Variants in INSYN2A observed in about 807,000 individuals in gnomAD.
The protein encoded by INSYN2A is inhibitory synaptic factor 2A.
In INSYN2A, 17 loss-of-function variants were observed where a neutral mutation model predicts 39.4. The observed-to-expected ratio is 0.43, with a 90% CI of 0.30 to 0.65. The LOEUF is 0.65. Among genes scored for constraint, INSYN2A ranks in the 30% least tolerant of loss-of-function variants. INSYN2A has a pLI of 0.14. For synonymous variants in INSYN2A, 255 were observed against 265.7 expected, an observed-to-expected ratio of 0.96 and a Z score of 0.39; for missense variants, 595 against 631.2, an observed-to-expected ratio of 0.94 and a Z score of 0.61.
At position 127,137,553 on chromosome 10, in the gene INSYN2A, T is replaced by G. The variant is rs2050807469; in HGVS notation, c.*284A>C. Reference sequence around the variant, plus strand: ...TAATGTATTACTTGCAGATCGGGGGTGGGGGAAAATTTTTACTTATCATCT... The same window carrying G: ...TAATGTATTACTTGCAGATCGGGGGGGGGGGAAAATTTTTACTTATCATCT... On this transcript the variant is annotated 3_prime_UTR_variant, in exon 6 of 6. Transcript: ENST00000522781. 3.2e-6 allele frequency: 1 copy of G among 316,564 alleles called. No individual in the cohort carries two copies. The highest frequency in any genetic ancestry group is 5.8e-6 in the Non-Finnish European group (1 of 173,568). 19.6% of individuals were successfully genotyped at this position (316,564 alleles called of 1,614,324 possible).
At chr10:127,165,319 G>C (rs1463255169) in intron 4 of INSYN2A, among the ~76,000 whole-genome samples, 1 of 152,140 alleles carries the variant, frequency 6.6e-6, no homozygotes, top group East Asian at 1.9e-4. Flanking sequence ...GCCTGACCTT[G>C]CATTTGCTTT....
rs1163491662 is a variant in INSYN2A at position 127,141,988 on chromosome 10, A to G, written c.1257-3968T>C. ...TCCTTTCCGTCTTCTAGGATTCTACAGTAAGATCTTGGATAGAATGGGTGG... is the reference window on the plus strand; with the variant it reads ...TCCTTTCCGTCTTCTAGGATTCTACGGTAAGATCTTGGATAGAATGGGTGG... On this transcript the variant is annotated intron_variant, in intron 5 of 5. Coordinates refer to ENST00000522781, the MANE Select transcript of INSYN2A (RefSeq NM_001039762.3). Among the ~76,000 whole-genome samples the G allele has an allele frequency of 2.6e-5, 4 of 152,188 alleles. 1 individual carries two copies. Among genetic ancestry groups the G allele is most frequent in the South Asian group, 2.1e-4 (1 of 4,830 alleles).
At chr10:127,146,948 T>C (rs897844335) in intron 5 of INSYN2A, among the ~76,000 whole-genome samples, 1 of 152,214 alleles carries the variant, frequency 6.6e-6, no homozygotes, top group African/African-American at 2.4e-5. Flanking sequence ...AGCTTTCTTT[T>C]TGCAATACAC....
intron 2 of INSYN2A, among the ~76,000 whole-genome samples, chr10:127,182,316 C>A (rs748744225): frequency 1.3e-5 from 2 of 152,110 alleles, no homozygotes; most frequent in Non-Finnish European, 2.9e-5. Flanking sequence ...AACAAAAAAA[C>A]CTATGGTCAG....
chr10:127,151,314 C>G (rs536460749), intron 5 of INSYN2A, among the ~76,000 whole-genome samples: 117 of 152,176 alleles, frequency 7.7e-4, no homozygotes, highest in African/African-American at 2.7e-3. Flanking sequence ...ATTGACAGGA[C>G]TCAATGAAAT....
At chr10:127,190,748 A>G (rs2056692420) in intron 2 of INSYN2A, among the ~76,000 whole-genome samples, 1 of 133,462 alleles carries the variant, frequency 7.5e-6, no homozygotes, top group South Asian at 2.4e-4. Flanking sequence ...GGCCTTGGGT[A>G]GCATCTTTAA....
In INSYN2A at chr10:127,175,529, C is replaced by T. The variant is rs747882538; in HGVS notation, c.867G>A (p.Arg289=). ...WSLCPADDER[R]RATHLNGLQA... ...GGAGCCCGTTGAGATGTGTGGCTCT[C>T]CTCCGCTCGTCATCTGCCGGGCAGA... The change falls in exon 4 of 6, where the codon AGG becomes AGA. Residue 289 remains arginine, a synonymous_variant. Transcript: ENST00000522781. The surrounding 1 kb of genome is among the most constrained non-coding windows in gnomAD (Gnocchi z 6.3). 3.7e-6 allele frequency: 6 copies of T among 1,610,028 alleles called. No individual in the cohort carries two copies. The highest frequency in any genetic ancestry group is 3.3e-5 in the Admixed American group (2 of 60,022).
At chr10:127,146,049 A>G (rs2051811208) in intron 5 of INSYN2A, 1 of 518,388 alleles carries the variant, frequency 1.9e-6, no homozygotes, top group Non-Finnish European at 3.9e-6. Flanking sequence ...CCAGCCCTAG[A>G]CATCGTGGCC....
rs957261558 is a variant in INSYN2A at position 127,196,147 on chromosome 10, C to G, written c.-545G>C. ...CGCGCTCACGCGGAGGAAGCCTCGG[C>G]TCCGGGGACTTGGCCCGCTGCGCGC... On this transcript the variant is annotated 5_prime_UTR_variant, in exon 1 of 6. Coordinates refer to ENST00000522781, the MANE Select transcript of INSYN2A (RefSeq NM_001039762.3). 5 of 151,570 alleles carry G rather than the reference C, an allele frequency of 3.3e-5. No individual in the cohort carries two copies. Among genetic ancestry groups the G allele is most frequent in the African/African-American group, 9.7e-5 (4 of 41,350 alleles). The allele number at this position is 151,570 out of a possible 1,614,324, so 9.4% of individuals were successfully genotyped here.
Position 127,177,051 on chromosome 10 carries a change from C to G in INSYN2A, c.-180G>C, listed in dbSNP as rs1006595128. The G allele has an allele frequency of 6.6e-6, 1 of 151,988 alleles. No individual in the cohort carries two copies. Among genetic ancestry groups the G allele is most frequent in the African/African-American group, 2.4e-5 (1 of 41,360 alleles). 9.4% of individuals were successfully genotyped at this position (151,988 alleles called of 1,614,324 possible). On this transcript the variant is annotated 5_prime_UTR_variant, in exon 3 of 6. Transcript: ENST00000522781. The stretch of plus-strand genomic sequence containing the variant: ...GTCGCTTCTCATGGGTTAACATCAG[C>G]TCTAAAAGGAACGTGGGTTTCCCTG...
At chr10:127,148,060 T>C (rs79060572) in intron 5 of INSYN2A, among the ~76,000 whole-genome samples, 2 of 138,752 alleles carry the variant, frequency 1.4e-5, no homozygotes, top group South Asian at 4.7e-4. Context: ...AAAAAAAAAA[T>C]TCCACCTGTC....
chr10:127,138,628 C>A (rs2486970), intron 5 of INSYN2A, among the ~76,000 whole-genome samples: 47 of 151,538 alleles, frequency 3.1e-4, no homozygotes, highest in Non-Finnish European at 4.7e-4. Context: ...AACGGTACTC[C>A]GCCATTACTA....
At chr10:127,187,209 G>A (rs1008288540) in intron 2 of INSYN2A, among the ~76,000 whole-genome samples, 29 of 152,178 alleles carry the variant, frequency 1.9e-4, no homozygotes, top group African/African-American at 5.1e-4. Flanking sequence ...ATATTCCTGC[G>A]TTTGCCTCTA....
Position 127,176,164 on chromosome 10 carries a change from C to T in INSYN2A, c.232G>A (p.Val78Met), listed in dbSNP as rs200815248. The change falls in exon 4 of 6, where the codon GTG (valine) becomes ATG (methionine). Residue 78 changes from valine (V) to methionine (M), a missense_variant. Val to Met is a conservative substitution (Grantham distance 21). Transcript: ENST00000522781. This position sits in a 1 kb window ranked among gnomAD's most constrained non-coding sequence, Gnocchi z 4.4. Reference sequence around the variant, plus strand: ...TTGCGGTAGGCTGCTCTGCAGGACACGGGCTTGGCCTCCCGCTTCTCCCCC... The same window carrying T: ...TTGCGGTAGGCTGCTCTGCAGGACATGGGCTTGGCCTCCCGCTTCTCCCCC... ...QLGEKREAKP[V>M]SCRAAYRKYM... is the part of the protein sequence containing the mutation. 1.6e-4 allele frequency: 261 copies of T among 1,614,074 alleles called. 4 individuals carry two copies. The South Asian group carries it at 2.7e-3, about 17-fold the overall frequency.
In INSYN2A at chr10:127,196,306, T is replaced by C. The variant is rs1017999589; in HGVS notation, c.-704A>G. ...GCGGGGAGGCAGCGGCTGGGCCAGC[T>C]CCGGGGACGCCCGCGCGCTCGCTTG... On this transcript the variant is annotated 5_prime_UTR_variant, in exon 1 of 6. Coordinates refer to ENST00000522781, the MANE Select transcript of INSYN2A (RefSeq NM_001039762.3). The C allele has an allele frequency of 1.3e-5, 2 of 148,500 alleles. No individual in the cohort carries two copies. The highest frequency in any genetic ancestry group is 4.9e-5 in the African/African-American group (2 of 40,914). The allele number at this position is 148,500 out of a possible 1,614,324, so 9.2% of individuals were successfully genotyped here.
intron 2 of INSYN2A, among the ~76,000 whole-genome samples, chr10:127,188,888 G>A (rs1177632092): frequency 6.6e-6 from 1 of 152,238 alleles, no homozygotes; most frequent in Non-Finnish European, 1.5e-5. Context: ...AGGTAGTGGA[G>A]TCACATGCCA....
At chr10:127,142,855 C>A (rs571379914) in intron 5 of INSYN2A, among the ~76,000 whole-genome samples, 1 of 152,256 alleles carries the variant, frequency 6.6e-6, no homozygotes, top group African/African-American at 2.4e-5. Context: ...TTGGTCTTTC[C>A]CTTTTCAAAA....
chr10:127,194,841 A>C (rs888866152), intron 1 of INSYN2A, among the ~76,000 whole-genome samples: 1 of 152,136 alleles, frequency 6.6e-6, no homozygotes, highest in Non-Finnish European at 1.5e-5. Flanking sequence ...CCACTCTTGC[A>C]GTTTCACCTC....
rs1450672394 is a variant in INSYN2A, at chr10:127,175,485, G to A, written c.911C>T (p.Ala304Val). ...LNGLQAPSET[A>V]LACSPPMQCL... The stretch of plus-strand genomic sequence containing the variant: ...CTGCATCGGGGGTGAGCAGGCCAGG[G>A]CAGTTTCCGAGGGCGCCTGGAGCCC... Residue 304 changes from alanine (A) to valine (V), a missense_variant, in exon 4 of 6, where the codon GCC becomes GTC. Physicochemically the swap from Ala to Val is moderately conservative, Grantham distance 64. Around this residue, in one of 2 missense-constraint regions of INSYN2A, gnomAD observed 478 missense variants for 467.4 expected, o/e 1.02. Transcript: ENST00000522781. This position sits in a 1 kb window ranked among gnomAD's most constrained non-coding sequence, Gnocchi z 6.3. 1 of 1,609,014 alleles carries A rather than the reference G, an allele frequency of 6.2e-7. No individual in the cohort carries two copies. Among genetic ancestry groups the A allele is most frequent in the East Asian group, 2.2e-5 (1 of 44,866 alleles).
Sources: gnomAD v4.1 joint callset for allele counts (sites outside exome capture counted in the v4.1 genomes callset) on GRCh38, gnomAD v4.1.1 for gene constraint, gnomAD v4.1.1 regional missense constraint, Gnocchi (gnomAD v3.1) non-coding constraint, MANE v1.5 for transcripts, NCBI Gene and HGNC (gene_info 2026-07-23, HGNC 2026-07-21) for gene names.